ADGRV1: variants seen among roughly 807,000 people sequenced by gnomAD.
The protein encoded by ADGRV1 is G-protein coupled receptor 98.
ADGRV1 carries 359 observed loss-of-function variants against 596.2 expected under a neutral mutation model. That is an observed-to-expected ratio of 0.60 (90% confidence interval 0.55 to 0.66). ADGRV1 has a LOEUF of 0.66. ADGRV1 is among the 30% of genes least tolerant of loss of function. The pLI is 0.00. For missense variants in ADGRV1, 7,274 were observed against 7,575.6 expected, an observed-to-expected ratio of 0.96 and a Z score of 1.48; for synonymous variants, 2,681 against 2,679.2, an observed-to-expected ratio of 1.00 and a Z score of -0.02.
intron 86 of ADGRV1, among the ~76,000 whole-genome samples, chr5:91,087,153 C>A (rs930059436): frequency 1.3e-5 from 2 of 152,200 alleles, no homozygotes; most frequent in Admixed American, 6.6e-5. Context: ...TGATAATCAT[C>A]AATAGGAAGA....
chr5:90,672,788 G>C, intron 22 of ADGRV1, 66 bp downstream of exon 22: 1 of 1,217,490 alleles, frequency 8.2e-7, no homozygotes, highest in Non-Finnish European at 1.1e-6. Flanking sequence ...TGTTTGTTCT[G>C]TAATTTCTTT....
At chr5:91,058,129 G>C (rs935508031) in intron 85 of ADGRV1, among the ~76,000 whole-genome samples, 2 of 152,178 alleles carry the variant, frequency 1.3e-5, no homozygotes, top group African/African-American at 4.8e-5. Flanking sequence ...ACGCTGAGAA[G>C]CCTCATTATA....
chr5:90,783,454 C>T, intron 66 of ADGRV1, 129 bp downstream of exon 66: 2 of 707,828 alleles, frequency 2.8e-6, no homozygotes, highest in Admixed American at 2.2e-5. Flanking sequence ...AGGTGAAATA[C>T]TTTTGGGGTA....
At position 90,576,562 on chromosome 5, in the gene ADGRV1, C is replaced by T. The variant is rs1162065195; in HGVS notation, c.22+17645C>T. 7.9e-5 allele frequency among the ~76,000 whole-genome samples: 12 copies of T among 152,110 alleles called. 1 individual carries two copies. Among genetic ancestry groups the T allele is most frequent in the African/African-American group, 1.9e-4 (8 of 41,494 alleles). On this transcript the variant is annotated intron_variant, in intron 1 of 89. Coordinates refer to ENST00000405460, the MANE Select transcript of ADGRV1 (RefSeq NM_032119.4). ...AAGTTTTTGCTATTGTGAATAGTGC[C>T]GCAACAAAAATACGTGTGCATGTGT...
At chr5:90,755,233 C>T in intron 55 of ADGRV1, 48 bp downstream of exon 55, 1 of 1,269,712 alleles carries the variant, frequency 7.9e-7, no homozygotes, top group Non-Finnish European at 1.1e-6. Context: ...GGAAAATTCT[C>T]TTAAGTAAAA....
chr5:90,646,345 G>A (rs891131255), intron 16 of ADGRV1, among the ~76,000 whole-genome samples: 4 of 151,116 alleles, frequency 2.6e-5, no homozygotes, highest in Non-Finnish European at 5.9e-5. Flanking sequence ...ATTTTTTGAA[G>A]CAAAAAGAAA....
chr5:90,731,692 T>C (rs1235740826), intron 50 of ADGRV1, among the ~76,000 whole-genome samples: 2 of 152,172 alleles, frequency 1.3e-5, no homozygotes. Context: ...CACTGGAATC[T>C]AGAGAAGATG....
chr5:90,562,420 C>T (rs933401812), intron 1 of ADGRV1, among the ~76,000 whole-genome samples: 1 of 152,160 alleles, frequency 6.6e-6, no homozygotes, highest in African/African-American at 2.4e-5. Flanking sequence ...CACCCCAGCT[C>T]TGTTGCCCTG....
At chr5:90,665,233 C>T (rs1214491760) in intron 21 of ADGRV1, among the ~76,000 whole-genome samples, 1 of 152,030 alleles carries the variant, frequency 6.6e-6, no homozygotes, top group Non-Finnish European at 1.5e-5. Context: ...GCTGTGAATC[C>T]GTTTGGTCCT....
intron 83 of ADGRV1, among the ~76,000 whole-genome samples, chr5:90,924,660 T>G (rs370104802): frequency 0.018 from 2,715 of 151,916 alleles, 32 homozygotes; most frequent in Middle Eastern, 0.034. Context: ...GTCAATTTTG[T>G]CTTTTGTTGC....
intron 83 of ADGRV1, among the ~76,000 whole-genome samples, chr5:90,898,295 G>A (rs10942617): frequency 1.3e-5 from 2 of 152,032 alleles, no homozygotes; most frequent in Middle Eastern, 3.4e-3. Flanking sequence ...CATGAGTCTC[G>A]AATGACCTTA....
chr5:90,616,917 C>A (rs1166637764), intron 2 of ADGRV1, among the ~76,000 whole-genome samples: 1 of 152,206 alleles, frequency 6.6e-6, no homozygotes, highest in Non-Finnish European at 1.5e-5. Context: ...CCTCTGGTAA[C>A]CACCATTCTA....
chr5:91,029,451 A>G (rs972903757), intron 85 of ADGRV1, among the ~76,000 whole-genome samples: 1 of 152,224 alleles, frequency 6.6e-6, no homozygotes, highest in Non-Finnish European at 1.5e-5. Flanking sequence ...ACACATTTCC[A>G]TATACATATG....
At chr5:90,916,442 C>T (rs1451142379) in intron 83 of ADGRV1, among the ~76,000 whole-genome samples, 1 of 152,014 alleles carries the variant, frequency 6.6e-6, no homozygotes, top group Non-Finnish European at 1.5e-5. Context: ...GATTAGGCCT[C>T]CTTTTTGATG....
chr5:90,670,788 C>T (rs1025353693), intron 21 of ADGRV1, among the ~76,000 whole-genome samples: 6 of 152,150 alleles, frequency 3.9e-5, no homozygotes, highest in African/African-American at 1.4e-4. Context: ...ACACTGATCC[C>T]AACCAGACTT....
intron 9 of ADGRV1, among the ~76,000 whole-genome samples, chr5:90,631,546 A>T (rs561816455): frequency 6.6e-6 from 1 of 152,144 alleles, no homozygotes; most frequent in African/African-American, 2.4e-5. Flanking sequence ...CATCTTTATT[A>T]TTATTAATTT....
chr5:91,027,296 A>G (rs1254307976), intron 85 of ADGRV1, among the ~76,000 whole-genome samples: 1 of 152,092 alleles, frequency 6.6e-6, no homozygotes, highest in African/African-American at 2.4e-5. Flanking sequence ...AATCTAACAG[A>G]AGGAGTCCCT....
chr5:91,147,944 CAGAT>C (rs1382517433), intron 87 of ADGRV1, among the ~76,000 whole-genome samples: 4 of 152,058 alleles, frequency 2.6e-5, no homozygotes, highest in African/African-American at 9.7e-5. Context: ...GAAGTGGTCT[CAGAT>C]AGAGACAAGG....
chr5:91,122,633 A>G (rs1322560609), intron 87 of ADGRV1, among the ~76,000 whole-genome samples: 1 of 152,236 alleles, frequency 6.6e-6, no homozygotes, highest in Admixed American at 6.5e-5. Flanking sequence ...GTATCTTATA[A>G]TCTTATTTCA....
Sources: gnomAD v4.1 joint callset for allele counts (sites outside exome capture counted in the v4.1 genomes callset) on GRCh38, gnomAD v4.1.1 for gene constraint, MANE v1.5 for transcripts, NCBI Gene and HGNC (gene_info 2026-07-23, HGNC 2026-07-21) for gene names.